The following RPS6KC1 variants were observed in gnomAD, a reference collection of about 807,000 sequenced individuals.
RPS6KC1 encodes ribosomal protein S6 kinase C1.
Under a neutral mutation model 103.8 loss-of-function variants are expected in RPS6KC1, and 54 were observed. The ratio of observed to expected loss-of-function variants is 0.52; its 90% CI spans 0.42 to 0.65. The LOEUF (loss-of-function observed/expected upper bound fraction) is 0.65. RPS6KC1 is among the 30% of genes least tolerant of loss of function. The pLI is 0.00. For synonymous variants in RPS6KC1, 439 were observed against 438.7 expected (o/e 1.00, Z -0.01); for missense variants, 1,151 against 1,253.8 (o/e 0.92, Z 1.24).
chr1:213,763,095 G>A, the RPS6KC1 span, among the ~76,000 whole-genome samples: 1 of 152,090 alleles, frequency 6.6e-6, no homozygotes, highest in Non-Finnish European at 1.5e-5. Context: ...CTGACCTCAG[G>A]TGATCCACCT....
chr1:213,444,578 T>G, the RPS6KC1 span, among the ~76,000 whole-genome samples: 2 of 152,008 alleles, frequency 1.3e-5, no homozygotes, highest in African/African-American at 4.8e-5. Context: ...TTGGTCAGGC[T>G]GGTACCCTGT....
At chr1:213,270,797 C>A (rs1046926053) in intron 14 of RPS6KC1, among the ~76,000 whole-genome samples, 1 of 151,972 alleles carries the variant, frequency 6.6e-6, no homozygotes, top group African/African-American at 2.4e-5. Flanking sequence ...GATATTTCAC[C>A]AAGAAAGCTA....
intron 14 of RPS6KC1, among the ~76,000 whole-genome samples, chr1:213,268,750 G>T (rs2094970810): frequency 1.3e-5 from 2 of 151,440 alleles, no homozygotes; most frequent in Admixed American, 1.3e-4. Context: ...CTAAATTAAA[G>T]TTACTATTAT....
chr1:213,116,489 G>A (rs1214683784), intron 4 of RPS6KC1, among the ~76,000 whole-genome samples: 1 of 90,510 alleles, frequency 1.1e-5, no homozygotes, highest in Non-Finnish European at 2.1e-5. Flanking sequence ...ACACTGATGG[G>A]TCTTGACTCT....
At chr1:213,455,747 G>T in the RPS6KC1 span, among the ~76,000 whole-genome samples, 1 of 152,214 alleles carries the variant, frequency 6.6e-6, no homozygotes, top group African/African-American at 2.4e-5. Flanking sequence ...GGAGATTAAG[G>T]AGACAGAAAC....
chr1:213,168,801 T>G (rs972530880), intron 7 of RPS6KC1, among the ~76,000 whole-genome samples: 7 of 152,050 alleles, frequency 4.6e-5, no homozygotes, highest in Non-Finnish European at 7.4e-5. Flanking sequence ...TTTTTGTATT[T>G]TTAGTAGAGA....
chr1:213,758,847 T>C, the RPS6KC1 span, among the ~76,000 whole-genome samples: 1 of 152,214 alleles, frequency 6.6e-6, no homozygotes. Flanking sequence ...GAAAGTGGCT[T>C]CTTGAGATGG....
At chr1:213,799,516 T>A in the RPS6KC1 span, among the ~76,000 whole-genome samples, 1 of 152,160 alleles carries the variant, frequency 6.6e-6, no homozygotes, top group African/African-American at 2.4e-5. Context: ...TGATGATAGT[T>A]AAAATTTTCT....
intron 7 of RPS6KC1, among the ~76,000 whole-genome samples, chr1:213,174,670 CAAA>C (rs370278907): frequency 2.3e-5 from 1 of 43,376 alleles, no homozygotes; most frequent in East Asian, 6.1e-4. Flanking sequence ...AACTCCATCT[CAAA>C]AAAAAAAAAA....
At chr1:213,152,566 T>G (rs1241319432) in intron 6 of RPS6KC1, among the ~76,000 whole-genome samples, 92 of 107,378 alleles carry the variant, frequency 8.6e-4, no homozygotes, top group South Asian at 1.4e-3. Context: ...CAGACGGGGT[T>G]GCCGCCGGGC....
At chr1:213,398,308 A>G in the RPS6KC1 span, among the ~76,000 whole-genome samples, 1 of 151,352 alleles carries the variant, frequency 6.6e-6, no homozygotes, top group Non-Finnish European at 1.5e-5. Flanking sequence ...CGGCCTCCCA[A>G]AGTGCTAGGA....
the RPS6KC1 span, among the ~76,000 whole-genome samples, chr1:213,802,551 T>C: frequency 6.6e-6 from 1 of 152,242 alleles, no homozygotes; most frequent in Non-Finnish European, 1.5e-5. Context: ...CAGATCTGCA[T>C]CTCATTTTTA....
At chr1:213,530,550 C>T in the RPS6KC1 span, among the ~76,000 whole-genome samples, 1 of 152,306 alleles carries the variant, frequency 6.6e-6, no homozygotes, top group South Asian at 2.1e-4. Context: ...CATGGCTTCT[C>T]ATGCTTCTGA....
chr1:213,432,227 C>A, the RPS6KC1 span, among the ~76,000 whole-genome samples: 1 of 152,160 alleles, frequency 6.6e-6, no homozygotes. Context: ...ATATCTTTCC[C>A]CATTCCGTGA....
the RPS6KC1 span, among the ~76,000 whole-genome samples, chr1:213,752,376 G>A: frequency 5.9e-5 from 9 of 152,242 alleles, no homozygotes; most frequent in African/African-American, 1.7e-4. Flanking sequence ...AAAAAAGGGT[G>A]GCCCCTGTCT....
At chr1:213,502,125 C>A in the RPS6KC1 span, among the ~76,000 whole-genome samples, 1 of 152,172 alleles carries the variant, frequency 6.6e-6, no homozygotes, top group Admixed American at 6.5e-5. Flanking sequence ...TTAAAAAATT[C>A]CCAGATTATT....
chr1:213,718,217 G>A, the RPS6KC1 span, among the ~76,000 whole-genome samples: 1 of 152,164 alleles, frequency 6.6e-6, no homozygotes, highest in Non-Finnish European at 1.5e-5. Context: ...ACCCTTTGTT[G>A]CACCAGCAGG....
chr1:213,530,134 G>A, the RPS6KC1 span, among the ~76,000 whole-genome samples: 1 of 152,072 alleles, frequency 6.6e-6, no homozygotes, highest in Admixed American at 6.6e-5. Context: ...CATGTGCCAT[G>A]TTGGTGTGCT....
chr1:213,482,216 C>A, the RPS6KC1 span, among the ~76,000 whole-genome samples: 1 of 152,134 alleles, frequency 6.6e-6, no homozygotes, highest in East Asian at 1.9e-4. Flanking sequence ...ACTAATACAA[C>A]CATCTTGCTT....
Sources: allele counts gnomAD v4.1 joint callset (sites outside exome capture counted in the v4.1 genomes callset), GRCh38; gene constraint gnomAD v4.1.1; transcripts MANE v1.5; gene names NCBI Gene and HGNC (gene_info 2026-07-23, HGNC 2026-07-21).